The following DLD variants were observed in gnomAD, a reference collection of about 807,000 sequenced individuals.
The protein encoded by DLD is dihydrolipoamide dehydrogenase.
A neutral mutation model predicts 62.2 loss-of-function variants in DLD; 36 were observed. The ratio of observed to expected loss-of-function variants is 0.58; its 90% CI spans 0.44 to 0.76. The LOEUF (loss-of-function observed/expected upper bound fraction) is 0.76, where lower values mean the gene tolerates loss of function less well. DLD is among the 30% of genes least tolerant of loss of function. The probability of loss-of-function intolerance (pLI) is 0.00; values close to 1 mark genes in which losing one functional copy is unlikely to be tolerated. For synonymous variants in DLD, 204 were observed against 199.6 expected, an observed-to-expected ratio of 1.02 and a Z score of -0.19; for missense variants, 541 against 608.6, an observed-to-expected ratio of 0.89 and a Z score of 1.17.
At chr7:107,895,804 C>T (rs1267582405) in intron 2 of DLD, among the ~76,000 whole-genome samples, 2 of 152,182 alleles carry the variant, frequency 1.3e-5, no homozygotes, top group African/African-American at 2.4e-5. Context: ...ACTCTCGTTA[C>T]AGGTTGGACC....
chr7:107,915,816 T>A, intron 9 of DLD, 120 bp downstream of exon 9: 2 of 811,022 alleles, frequency 2.5e-6, no homozygotes, highest in Non-Finnish European at 4.0e-6. Context: ...TTTTATTACT[T>A]AATATAACTC....
At chr7:107,917,746 G>A (rs748822339) in intron 11 of DLD, among the ~76,000 whole-genome samples, 178 bp from the exon 12 acceptor site, 7 of 152,164 alleles carry the variant, frequency 4.6e-5, no homozygotes, top group Non-Finnish European at 8.8e-5. Context: ...GTATTTGCTT[G>A]TATTCGTGCC....
At chr7:107,891,749 C>A in intron 1 of DLD, 1 of 212,762 alleles carries the variant, frequency 4.7e-6, no homozygotes, top group Non-Finnish European at 9.6e-6. Flanking sequence ...TGGTTTAGAT[C>A]CAGTCAGCTC....
chr7:107,903,515 A>T lies in DLD; in HGVS notation c.305A>T (p.His102Leu), dbSNP rs893865374. ...LNNSHYYHMA[H>L]GKDFASRGIE... ...AACTCTCATTATTACCATATGGCCC[A>T]TGGAAAAGATTTTGCATCTAGAGGA... The change falls in exon 5 of 14, where the codon CAT becomes CTT. Residue 102 changes from histidine (H) to leucine (L), a missense_variant. Transcript: ENST00000205402. 2 of 1,597,934 alleles carry T rather than the reference A, an allele frequency of 1.3e-6. No homozygotes were observed. Among genetic ancestry groups the T allele is most frequent in the Non-Finnish European group, 1.7e-6 (2 of 1,165,982 alleles).
chr7:107,907,735 C>CTG (rs1323319870), intron 8 of DLD, among the ~76,000 whole-genome samples: 1 of 152,152 alleles, frequency 6.6e-6, no homozygotes, highest in Non-Finnish European at 1.5e-5. Flanking sequence ...ATGTGTGTAC[C>CTG]TGTGATGCAT....
intron 8 of DLD, among the ~76,000 whole-genome samples, chr7:107,913,389 G>A (rs2032190361): frequency 6.6e-6 from 1 of 151,774 alleles, no homozygotes; most frequent in Non-Finnish European, 1.5e-5. Context: ...TATTTTTTGT[G>A]TCCTCTTCAA....
chr7:107,912,643 A>G (rs766028423), intron 8 of DLD, among the ~76,000 whole-genome samples: 10 of 152,014 alleles, frequency 6.6e-5, no homozygotes, highest in Non-Finnish European at 1.3e-4. Flanking sequence ...AGAAATGTCT[A>G]TTCGGATCTG....
chr7:107,916,699 GTCA>G, intron 9 of DLD, 92 bp from the exon 10 acceptor site: 3 of 1,275,162 alleles, frequency 2.4e-6, no homozygotes, highest in Non-Finnish European at 3.4e-6. Flanking sequence ...AAATGAAAAT[GTCA>G]TCAACACTTG....
At chr7:107,915,248 C>A (rs1334488468) in intron 8 of DLD, among the ~76,000 whole-genome samples, 86 of 152,110 alleles carry the variant, frequency 5.7e-4, no homozygotes, top group Non-Finnish European at 1.2e-4. Context: ...GAGATTTTTG[C>A]TTTGTTTACT....
Position 107,915,494 on chromosome 7 carries a change from AT to A in DLD, c.685-9del. 1.2e-6 allele frequency: 2 copies of A among 1,613,360 alleles called. No individual in the cohort carries two copies. The highest frequency in any genetic ancestry group is 1.7e-6 in the Non-Finnish European group (2 of 1,179,662). The stretch of plus-strand genomic sequence containing the variant: ...CTTTTATGATTATTGGGTTTTTTTA[AT>A]TTATTTGCAGGGTTCAGTTTGGCAA... On this transcript the variant is annotated splice_polypyrimidine_tract_variant and intron_variant, in intron 8 of 13. Transcript: ENST00000205402.
intron 2 of DLD, among the ~76,000 whole-genome samples, chr7:107,897,890 A>T (rs894563225): frequency 6.6e-6 from 1 of 152,098 alleles, no homozygotes; most frequent in Non-Finnish European, 1.5e-5. Flanking sequence ...TTGTAATTAT[A>T]TTGATGATTA....
At chr7:107,897,604 G>C (rs1334982520) in intron 2 of DLD, among the ~76,000 whole-genome samples, 1 of 115,092 alleles carries the variant, frequency 8.7e-6, no homozygotes, top group Non-Finnish European at 1.7e-5. Context: ...TTTGAAACTT[G>C]GTCTCACTCT....
intron 9 of DLD, among the ~76,000 whole-genome samples, chr7:107,916,012 A>G (rs2032259732): frequency 6.6e-6 from 1 of 152,178 alleles, no homozygotes; most frequent in Non-Finnish European, 1.5e-5. Flanking sequence ...ATAATAAAAG[A>G]TTGCTTACTA....
chr7:107,897,613 C>T lies in DLD; in HGVS notation c.119-4125C>T, dbSNP rs1017669575. On this transcript the variant is annotated intron_variant, in intron 2 of 13. Transcript: ENST00000205402. ...TTTTTTTTTGAAACTTGGTCTCACT[C>T]TATCATGCAAGCTGGGGTGCAATGG... 2.3e-5 allele frequency among the ~76,000 whole-genome samples: 3 copies of T among 133,260 alleles called. No individual in the cohort carries two copies. In the Admixed American group the frequency reaches 2.5e-4, roughly 11 times the overall value. 87.4% of individuals were successfully genotyped at this position (133,260 alleles called of 152,430 possible).
intron 4 of DLD, among the ~76,000 whole-genome samples, chr7:107,902,901 A>G (rs574931969): frequency 1.3e-5 from 2 of 152,270 alleles, no homozygotes; most frequent in African/African-American, 2.4e-5. Context: ...GTGTAGTGCC[A>G]TATACTATTC....
In DLD at chr7:107,902,402, G is replaced by A. The variant is rs188936529; in HGVS notation, c.267+9G>A. On this transcript the variant is annotated intron_variant, in intron 4 of 13. Transcript: ENST00000205402. ...GTTGTATTCCTTCTAAGGTGAGCATGTGTTTTGTACAGCACAGAGATTGTT... is the reference window on the plus strand; with the variant it reads ...GTTGTATTCCTTCTAAGGTGAGCATATGTTTTGTACAGCACAGAGATTGTT... 2.3e-5 allele frequency: 37 copies of A among 1,613,518 alleles called. No homozygotes were observed. In the African/African-American group the frequency reaches 3.7e-4, roughly 16 times the overall value.
At chr7:107,891,534 C>T (rs895975232) in intron 1 of DLD, 2 of 597,626 alleles carry the variant, frequency 3.3e-6, no homozygotes, top group Non-Finnish European at 5.9e-6. Context: ...GTGTGACGGC[C>T]GGCGGTCACA....
intron 8 of DLD, among the ~76,000 whole-genome samples, 166 bp downstream of exon 8, chr7:107,906,534 T>G (rs991468366): frequency 1.3e-5 from 2 of 152,196 alleles, no homozygotes; most frequent in Non-Finnish European, 2.9e-5. Flanking sequence ...GACAACCTAT[T>G]TATGTATTTA....
intron 5 of DLD, among the ~76,000 whole-genome samples, chr7:107,904,200 G>GATGAT (rs1340889667): frequency 6.6e-6 from 1 of 152,170 alleles, no homozygotes; most frequent in Non-Finnish European, 1.5e-5. Flanking sequence ...TGGGTATAGA[G>GATGAT]ATGATGTATA....
Sources: allele counts gnomAD v4.1 joint callset (sites outside exome capture counted in the v4.1 genomes callset), GRCh38; gene constraint gnomAD v4.1.1; transcripts MANE v1.5; gene names NCBI Gene and HGNC (gene_info 2026-07-23, HGNC 2026-07-21).